Variants in SGCD observed in about 807,000 individuals in gnomAD.
SGCD encodes sarcoglycan delta.
Under a neutral mutation model 36.6 loss-of-function variants are expected in SGCD, and 18 were observed. The ratio of observed to expected loss-of-function variants is 0.49; its 90% CI spans 0.34 to 0.73. The LOEUF (loss-of-function observed/expected upper bound fraction) is 0.73, where lower values mean the gene tolerates loss of function less well. Ranked by LOEUF, SGCD falls within the 30% of genes least tolerant of loss-of-function variation. SGCD has a pLI of 0.01. For missense variants in SGCD, 387 were observed against 346.7 expected (o/e 1.12, Z -0.92); for synonymous variants, 133 against 130.6 (o/e 1.02, Z -0.12).
chr5:156,572,178 T>G (rs754193499), intron 4 of SGCD, among the ~76,000 whole-genome samples: 1 of 152,244 alleles, frequency 6.6e-6, no homozygotes, highest in African/African-American at 2.4e-5. Context: ...TTCCGCCCTT[T>G]GATTATTATG....
intron 7 of SGCD, among the ~76,000 whole-genome samples, chr5:156,706,653 C>A (rs1481358213): frequency 2.6e-5 from 4 of 152,058 alleles, no homozygotes; most frequent in African/African-American, 7.2e-5. Flanking sequence ...AATATATGTT[C>A]CCTCAGCAAT....
intron 3 of SGCD, among the ~76,000 whole-genome samples, chr5:156,355,076 C>A (rs1381388868): frequency 6.6e-6 from 1 of 152,244 alleles, no homozygotes; most frequent in Non-Finnish European, 1.5e-5. Context: ...CTACACCTGG[C>A]TAGTAGCTGC....
At chr5:156,227,687 G>C (rs1190480949) in intron 3 of SGCD, among the ~76,000 whole-genome samples, 1 of 151,828 alleles carries the variant, frequency 6.6e-6, no homozygotes, top group African/African-American at 2.4e-5. Context: ...TTGTAGATTG[G>C]GATTGATTTG....
chr5:156,759,469 T>C lies in SGCD; in HGVS notation c.*79T>C, dbSNP rs1305532637. ...GACACTGGCTGCCAGCTATTTTTAC[T>C]AGAACACAGAAAGCCTATCAAAGAC... On this transcript the variant is annotated 3_prime_UTR_variant, in exon 9 of 9. Coordinates refer to ENST00000337851, the MANE Select transcript of SGCD (RefSeq NM_000337.6). 4.0e-6 allele frequency: 4 copies of C among 1,003,166 alleles called. No individual in the cohort carries two copies. Among genetic ancestry groups the C allele is most frequent in the Admixed American group, 4.5e-5 (2 of 44,424 alleles). 62.1% of individuals were successfully genotyped at this position (1,003,166 alleles called of 1,614,324 possible). A position where few individuals can be genotyped will look rare whatever the true frequency, so the allele number is the denominator to read the frequency against.
intron 3 of SGCD, among the ~76,000 whole-genome samples, chr5:156,163,743 G>A (rs144449981): frequency 0.015 from 2,239 of 151,422 alleles, 33 homozygotes; most frequent in Non-Finnish European, 0.024. Context: ...ATTTTCGGCC[G>A]GGCGCGGTGG....
chr5:156,048,281 A>G (rs1403353042), intron 1 of SGCD, among the ~76,000 whole-genome samples: 1 of 152,182 alleles, frequency 6.6e-6, no homozygotes, highest in African/African-American at 2.4e-5. Context: ...CGCAATAAAC[A>G]TACGTGTGCA....
intron 7 of SGCD, among the ~76,000 whole-genome samples, chr5:156,702,870 C>T (rs924605025): frequency 6.6e-6 from 1 of 152,080 alleles, no homozygotes; most frequent in Non-Finnish European, 1.5e-5. Context: ...TGTTTCCCTC[C>T]AGAGCAAAGT....
chr5:156,757,994 A>AAAAT, intron 8 of SGCD: 1 of 1,217,046 alleles, frequency 8.2e-7, no homozygotes, highest in Non-Finnish European at 1.0e-6. Context: ...TTGTCACCTT[A>AAAAT]AAATAAGATT....
intron 1 of SGCD, among the ~76,000 whole-genome samples, chr5:156,005,827 C>G (rs917553000): frequency 6.6e-6 from 1 of 152,168 alleles, no homozygotes; most frequent in Non-Finnish European, 1.5e-5. Flanking sequence ...CTCTTGCGTT[C>G]ACAGTCCCAC....
rs552214361 is a variant in SGCD at position 156,159,073 on chromosome 5, A to G, written c.-44+35054A>G. 4.6e-5 allele frequency among the ~76,000 whole-genome samples: 7 copies of G among 151,780 alleles called. No homozygotes were observed. In the South Asian group the frequency reaches 8.3e-4, roughly 18 times the overall value. ...ATTCCCATCTCATTCCTCAACTTTT[A>G]TTAGCGTATGTGACCAGCACTCTGA... On this transcript the variant is annotated intron_variant, in intron 3 of 9. Coordinates refer to the SGCD transcript ENST00000517913.
chr5:156,563,854 G>A (rs923924933), intron 4 of SGCD, among the ~76,000 whole-genome samples: 9 of 151,418 alleles, frequency 5.9e-5, no homozygotes, highest in Non-Finnish European at 1.3e-4. Flanking sequence ...CCTAATGAAA[G>A]CTGTTTCCCC....
At chr5:156,650,929 A>G (rs1002926338) in intron 7 of SGCD, among the ~76,000 whole-genome samples, 5 of 152,178 alleles carry the variant, frequency 3.3e-5, no homozygotes, top group African/African-American at 1.2e-4. Context: ...ACTAATTTAC[A>G]TTCCCACCAG....
the SGCD span, among the ~76,000 whole-genome samples, chr5:155,862,781 A>C: frequency 1.3e-5 from 2 of 152,218 alleles, no homozygotes; most frequent in Non-Finnish European, 2.9e-5. Context: ...CAGAGGTTAA[A>C]TAACTTGTCC....
intron 1 of SGCD, among the ~76,000 whole-genome samples, chr5:156,032,060 C>T (rs577122202): frequency 6.6e-6 from 1 of 152,044 alleles, no homozygotes; most frequent in African/African-American, 2.4e-5. Context: ...GTGTGTATCT[C>T]TTCAGGTTTC....
intron 1 of SGCD, among the ~76,000 whole-genome samples, chr5:156,074,658 C>T (rs1760715664): frequency 6.6e-6 from 1 of 151,800 alleles, no homozygotes; most frequent in African/African-American, 2.4e-5. Context: ...CAAGCCCGGG[C>T]AAGAAAGCGA....
chr5:155,888,870 C>A (rs1398397579), intron 1 of SGCD, among the ~76,000 whole-genome samples: 1 of 152,076 alleles, frequency 6.6e-6, no homozygotes, highest in Non-Finnish European at 1.5e-5. Context: ...CTTGATTATT[C>A]TAATGTCCAC....
chr5:156,148,315 G>C (rs919576272), intron 3 of SGCD, among the ~76,000 whole-genome samples: 6 of 152,110 alleles, frequency 3.9e-5, no homozygotes, highest in African/African-American at 1.2e-4. Context: ...GGTACCTTTG[G>C]GTTTGTCTTG....
rs74391811 is a variant in SGCD at position 156,047,165 on chromosome 5, T to C, written c.-281-70713T>C. 5.6e-3 allele frequency among the ~76,000 whole-genome samples: 859 copies of C among 152,200 alleles called. 7 individuals are homozygous for C. Among genetic ancestry groups the C allele is most frequent in the South Asian group, 0.012 (58 of 4,820 alleles). On this transcript the variant is annotated intron_variant, in intron 1 of 9. Transcript: ENST00000517913. ...AGATGAGGAAGCTGCAGAAGAAAAGTTGGAAACCAGCAGGAGTTGGTTAAT... is the reference window on the plus strand; with the variant it reads ...AGATGAGGAAGCTGCAGAAGAAAAGCTGGAAACCAGCAGGAGTTGGTTAAT...
intron 1 of SGCD, among the ~76,000 whole-genome samples, chr5:155,970,714 C>A (rs892356617): frequency 3.3e-5 from 5 of 152,094 alleles, no homozygotes; most frequent in Admixed American, 2.6e-4. Flanking sequence ...TTATGTATAA[C>A]GTGTATACAT....
Sources: allele counts gnomAD v4.1 joint callset (sites outside exome capture counted in the v4.1 genomes callset), GRCh38; gene constraint gnomAD v4.1.1; transcripts MANE v1.5; gene names NCBI Gene and HGNC (gene_info 2026-07-23, HGNC 2026-07-21).